ARL15: variants seen among roughly 807,000 people sequenced by gnomAD.
ARL15 encodes the protein ARF like GTPase 15, also known as ADP-ribosylation factor-like protein 15.
ARL15 carries 19 observed loss-of-function variants against 25.2 expected under a neutral mutation model. The ratio of observed to expected loss-of-function variants is 0.75; its 90% CI spans 0.53 to 1.10. The LOEUF (loss-of-function observed/expected upper bound fraction) is 1.10, where lower values mean the gene tolerates loss of function less well. Ranked by LOEUF, ARL15 falls within the 50% of genes least tolerant of loss-of-function variation. The pLI, the probability that ARL15 is intolerant of heterozygous loss-of-function variation, is 0.00. For missense variants in ARL15, 220 were observed against 246.0 expected (o/e 0.89, Z 0.71); for synonymous variants, 94 against 86.8 (o/e 1.08, Z -0.46).
chr5:54,003,272 A>G (rs982120626), intron 4 of ARL15, among the ~76,000 whole-genome samples: 7 of 152,208 alleles, frequency 4.6e-5, no homozygotes, highest in Admixed American at 3.9e-4. Flanking sequence ...GAATAATGGA[A>G]TAATGACACA....
intron 4 of ARL15, among the ~76,000 whole-genome samples, chr5:54,027,268 C>T (rs1749810644): frequency 6.6e-6 from 1 of 152,138 alleles, no homozygotes; most frequent in African/African-American, 2.4e-5. Flanking sequence ...GTGCACCACA[C>T]AAAACAAGCA....
At chr5:54,223,065 G>A (rs1056379391) in intron 1 of ARL15, among the ~76,000 whole-genome samples, 5 of 145,054 alleles carry the variant, frequency 3.4e-5, no homozygotes, top group East Asian at 2.0e-4. Context: ...CTCATGATCC[G>A]CCAGCCTCGG....
intron 1 of ARL15, among the ~76,000 whole-genome samples, chr5:54,283,617 A>G (rs1248314917): frequency 6.6e-6 from 1 of 152,226 alleles, no homozygotes; most frequent in African/African-American, 2.4e-5. Flanking sequence ...GCCCAAGACT[A>G]AGAACGCTCA....
chr5:54,000,949 G>T (rs1289294767), intron 4 of ARL15, among the ~76,000 whole-genome samples: 1 of 152,162 alleles, frequency 6.6e-6, no homozygotes, highest in African/African-American at 2.4e-5. Context: ...GCTCAGAAGG[G>T]CTCTGGGCTT....
At chr5:54,032,217 A>G (rs575798761) in intron 4 of ARL15, among the ~76,000 whole-genome samples, 1 of 151,922 alleles carries the variant, frequency 6.6e-6, no homozygotes, top group South Asian at 2.1e-4. Context: ...TTGTTTATTC[A>G]TGGGTTTTTT....
chr5:54,184,249 T>TA (rs370187848), intron 1 of ARL15, among the ~76,000 whole-genome samples: 28,758 of 110,440 alleles, frequency 0.26, 3,542 homozygotes, highest in African/African-American at 0.32. Flanking sequence ...TAAAGTATAA[T>TA]AAAAAAAAAA....
chr5:54,069,994 T>A (rs1751370184), intron 4 of ARL15, among the ~76,000 whole-genome samples: 1 of 148,738 alleles, frequency 6.7e-6, no homozygotes, highest in African/African-American at 2.5e-5. Context: ...TTAAGAGGTG[T>A]TTGGTCATGA....
chr5:54,224,796 A>G (rs965387756), intron 1 of ARL15, among the ~76,000 whole-genome samples: 7 of 152,344 alleles, frequency 4.6e-5, no homozygotes, highest in African/African-American at 1.7e-4. Flanking sequence ...TTTAAAAGCC[A>G]ATGTTTTAAA....
At chr5:53,908,842 T>C (rs1421332111) in intron 4 of ARL15, among the ~76,000 whole-genome samples, 1 of 152,190 alleles carries the variant, frequency 6.6e-6, no homozygotes, top group Non-Finnish European at 1.5e-5. Context: ...GAGAAGGGTG[T>C]GTAGGATATA....
At chr5:53,914,772 CTTTCT>C (rs1561147262) in intron 4 of ARL15, among the ~76,000 whole-genome samples, 1 of 152,118 alleles carries the variant, frequency 6.6e-6, no homozygotes, top group African/African-American at 2.4e-5. Context: ...TTTTCTTTCT[CTTTCT>C]TTTTATCTTC....
rs10043965 is a variant in ARL15 at position 54,043,391 on chromosome 5, A to G, written c.462+69811T>C. Among the ~76,000 whole-genome samples the G allele has an allele frequency of 8.3e-3, 1,267 of 152,236 alleles. 24 individuals are homozygous for G. Among genetic ancestry groups the G allele is most frequent in the African/African-American group, 0.029 (1,211 of 41,538 alleles). On this transcript the variant is annotated intron_variant, in intron 4 of 4. Coordinates refer to ENST00000504924, the MANE Select transcript of ARL15 (RefSeq NM_019087.3). ...AGTGAATGGTAGTCACTGGTTTTCAACCTGTAATCTTTGACATTCTAGGAT... is the reference window on the plus strand; with the variant it reads ...AGTGAATGGTAGTCACTGGTTTTCAGCCTGTAATCTTTGACATTCTAGGAT...
chr5:54,225,073 A>G (rs368742411), intron 1 of ARL15, among the ~76,000 whole-genome samples: 1 of 152,212 alleles, frequency 6.6e-6, no homozygotes, highest in Non-Finnish European at 1.5e-5. Context: ...GAGGCAAACA[A>G]TACCTCATAG....
intron 4 of ARL15, among the ~76,000 whole-genome samples, chr5:54,105,522 A>T (rs1326644678): frequency 1.3e-5 from 2 of 152,234 alleles, no homozygotes; most frequent in East Asian, 1.9e-4. Flanking sequence ...AGAATTTTTT[A>T]AAATCCTTCT....
Position 54,166,091 on chromosome 5 carries a change from G to A in ARL15, c.193+5693C>T, listed in dbSNP as rs529140670. Among the ~76,000 whole-genome samples the A allele has an allele frequency of 5.3e-4, 81 of 152,236 alleles. No homozygotes were observed. In the Middle Eastern group the frequency reaches 0.027, roughly 51 times the overall value. Reference sequence around the variant, plus strand: ...ATATTTGGGCACTGGGACCCAGCCAGTTACACACAAAATTAAACATCATAT... The same window carrying A: ...ATATTTGGGCACTGGGACCCAGCCAATTACACACAAAATTAAACATCATAT... On this transcript the variant is annotated intron_variant, in intron 2 of 4. Transcript: ENST00000504924.
intron 4 of ARL15, among the ~76,000 whole-genome samples, chr5:53,891,581 G>A (rs1221761783): frequency 1.3e-5 from 2 of 152,130 alleles, no homozygotes; most frequent in African/African-American, 2.4e-5. Context: ...CACCCTGTAT[G>A]GGGCTATTAG....
chr5:54,075,884 T>C (rs764703009), intron 4 of ARL15, among the ~76,000 whole-genome samples: 27 of 152,084 alleles, frequency 1.8e-4, no homozygotes, highest in Admixed American at 1.8e-3. Context: ...AAATGAAGAG[T>C]ACGGACTAGG....
At chr5:54,298,684 TCTGGCCAA>T (rs1431509196) in intron 1 of ARL15, among the ~76,000 whole-genome samples, 1 of 152,022 alleles carries the variant, frequency 6.6e-6, no homozygotes, top group Non-Finnish European at 1.5e-5. Flanking sequence ...ATGACAGCCC[TCTGGCCAA>T]GGTCACCACT....
rs535427355 is a variant in ARL15, at chr5:53,955,943, G to A, written c.463-69230C>T. ...GCCTAGGACAAAAGATTAAAGTTGA[G>A]GCATACGAGTCCCAAAAATATGGAA... On this transcript the variant is annotated intron_variant, in intron 4 of 4. Transcript: ENST00000504924. Among the ~76,000 whole-genome samples, 433 of 152,206 alleles carry A rather than the reference G, an allele frequency of 2.8e-3. 2 individuals are homozygous for A. Among genetic ancestry groups the A allele is most frequent in the African/African-American group, 9.4e-3 (389 of 41,530 alleles).
At chr5:53,893,679 T>C (rs969623402) in intron 4 of ARL15, among the ~76,000 whole-genome samples, 2 of 152,306 alleles carry the variant, frequency 1.3e-5, no homozygotes, top group East Asian at 3.9e-4. Flanking sequence ...ATCTTGTATA[T>C]GTATTTGCAA....
Sources: allele counts gnomAD v4.1 joint callset (sites outside exome capture counted in the v4.1 genomes callset), GRCh38; gene constraint gnomAD v4.1.1; transcripts MANE v1.5; gene names NCBI Gene and HGNC (gene_info 2026-07-23, HGNC 2026-07-21).